Variants in ELOVL5 observed in about 807,000 individuals in gnomAD.
The protein encoded by ELOVL5 is ELOVL fatty acid elongase 5, also known as very long chain fatty acid elongase 5.
ELOVL5 carries 8 observed loss-of-function variants against 38.6 expected under a neutral mutation model. The observed-to-expected ratio is 0.21, with a 90% CI of 0.12 to 0.37. The LOEUF is 0.37. Ranked by LOEUF, ELOVL5 falls within the 10% of genes least tolerant of loss-of-function variation. The pLI is 1.00. For missense variants in ELOVL5, 280 were observed against 367.8 expected (o/e 0.76, Z 1.95); for synonymous variants, 127 against 133.7 (o/e 0.95, Z 0.34).
At chr6:53,318,745 G>A (rs931037570) in intron 1 of ELOVL5, among the ~76,000 whole-genome samples, 1 of 151,646 alleles carries the variant, frequency 6.6e-6, no homozygotes, top group East Asian at 1.9e-4. Context: ...GTCTCAAAAA[G>A]ATAAAAATAA....
chr6:53,282,155 T>C (rs1766387415), intron 3 of ELOVL5, among the ~76,000 whole-genome samples: 1 of 152,270 alleles, frequency 6.6e-6, no homozygotes, highest in Non-Finnish European at 1.5e-5. Flanking sequence ...GTCTTTGCTA[T>C]GATCTTAGGC....
chr6:53,295,549 A>G, intron 2 of ELOVL5, 93 bp downstream of exon 2: 5 of 844,776 alleles, frequency 5.9e-6, no homozygotes, highest in Non-Finnish European at 9.3e-6. Flanking sequence ...GAAAATGCTA[A>G]CATTTTCTAC....
intron 6 of ELOVL5, 132 bp downstream of exon 6, chr6:53,273,088 A>G: frequency 2.0e-6 from 2 of 993,664 alleles, no homozygotes; most frequent in Non-Finnish European, 3.0e-6. Flanking sequence ...ACCCACTTCA[A>G]GGAATTTAAT....
chr6:53,276,055 T>C (rs1042069119), intron 4 of ELOVL5, 124 bp downstream of exon 4: 7 of 652,746 alleles, frequency 1.1e-5, no homozygotes, highest in Non-Finnish European at 1.8e-5. Context: ...CCTTTTTTAT[T>C]CTTTTAAAAA....
chr6:53,310,481 G>A (rs1313920801), intron 1 of ELOVL5, among the ~76,000 whole-genome samples: 2 of 152,056 alleles, frequency 1.3e-5, no homozygotes, highest in African/African-American at 4.8e-5. Flanking sequence ...AAAAATTTTC[G>A]GGCACACTGG....
chr6:53,296,334 C>T (rs565459099), intron 1 of ELOVL5, among the ~76,000 whole-genome samples: 3 of 152,090 alleles, frequency 2.0e-5, no homozygotes, highest in Non-Finnish European at 4.4e-5. Context: ...CTCTTTTGAG[C>T]ACAAAGAGGT....
chr6:53,347,833 C>T (rs1003781309), intron 1 of ELOVL5, among the ~76,000 whole-genome samples: 3 of 152,148 alleles, frequency 2.0e-5, no homozygotes, highest in Admixed American at 2.0e-4. Context: ...GGGGAACCGC[C>T]AAGTGCAAGA....
chr6:53,272,416 C>T (rs898521680), intron 6 of ELOVL5, among the ~76,000 whole-genome samples: 2 of 152,088 alleles, frequency 1.3e-5, no homozygotes, highest in Admixed American at 6.6e-5. Flanking sequence ...TGATTACAGG[C>T]GTGAGCCACT....
chr6:53,317,966 C>G (rs1768128597), intron 1 of ELOVL5, among the ~76,000 whole-genome samples: 1 of 152,124 alleles, frequency 6.6e-6, no homozygotes. Context: ...AATACTCACT[C>G]TATCCTTACT....
At chr6:53,298,904 G>T (rs552129090) in intron 1 of ELOVL5, among the ~76,000 whole-genome samples, 1 of 149,642 alleles carries the variant, frequency 6.7e-6, no homozygotes, top group Non-Finnish European at 1.5e-5. Context: ...GCAAGGCGGG[G>T]GGGGGGAGTT....
chr6:53,324,980 C>T (rs948811101), intron 1 of ELOVL5, among the ~76,000 whole-genome samples: 3 of 152,112 alleles, frequency 2.0e-5, no homozygotes, highest in East Asian at 3.8e-4. Flanking sequence ...ACAGATTAAC[C>T]GGAAGCCAAA....
intron 1 of ELOVL5, among the ~76,000 whole-genome samples, chr6:53,296,663 A>G (rs1767013733): frequency 6.6e-6 from 1 of 152,190 alleles, no homozygotes; most frequent in South Asian, 2.1e-4. Context: ...GATACCAGTT[A>G]AAGATTTACC....
At chr6:53,296,502 TATATC>T (rs1266996038) in intron 1 of ELOVL5, among the ~76,000 whole-genome samples, 1 of 152,210 alleles carries the variant, frequency 6.6e-6, no homozygotes, top group African/African-American at 2.4e-5. Context: ...TTAGTTTTAT[TATATC>T]ATATTTATAA....
At chr6:53,272,239 C>T (rs1313686083) in intron 6 of ELOVL5, among the ~76,000 whole-genome samples, 1 of 152,170 alleles carries the variant, frequency 6.6e-6, no homozygotes, top group Non-Finnish European at 1.5e-5. Context: ...AATGTCCACA[C>T]CCCTCAGTCA....
chr6:53,335,414 C>T (rs184292294), intron 1 of ELOVL5, among the ~76,000 whole-genome samples: 16 of 152,282 alleles, frequency 1.1e-4, no homozygotes, highest in Non-Finnish European at 1.6e-4. Context: ...CCTTTGCCTC[C>T]GAGCCTTTGC....
chr6:53,290,749 C>T (rs556199700), intron 3 of ELOVL5, among the ~76,000 whole-genome samples: 4 of 152,264 alleles, frequency 2.6e-5, no homozygotes, highest in Non-Finnish European at 4.4e-5. Flanking sequence ...CTCCTGCACA[C>T]CACCACACGT....
chr6:53,320,588 G>A (rs763676003), intron 1 of ELOVL5, among the ~76,000 whole-genome samples: 7 of 151,902 alleles, frequency 4.6e-5, no homozygotes, highest in Non-Finnish European at 5.9e-5. Flanking sequence ...CTCCCAAAGT[G>A]CTGGGATTAC....
At chr6:53,318,036 C>T (rs1768131168) in intron 1 of ELOVL5, among the ~76,000 whole-genome samples, 1 of 152,118 alleles carries the variant, frequency 6.6e-6, no homozygotes, top group African/African-American at 2.4e-5. Flanking sequence ...TGCCAGCCCT[C>T]TCACAGATGA....
intron 1 of ELOVL5, among the ~76,000 whole-genome samples, chr6:53,303,671 T>C (rs1767359470): frequency 6.6e-6 from 1 of 152,190 alleles, no homozygotes; most frequent in Non-Finnish European, 1.5e-5. Flanking sequence ...TCCGGTATAA[T>C]GGATAATTGG....
Sources: gnomAD v4.1 joint callset for allele counts (sites outside exome capture counted in the v4.1 genomes callset) on GRCh38, gnomAD v4.1.1 for gene constraint, MANE v1.5 for transcripts, NCBI Gene and HGNC (gene_info 2026-07-23, HGNC 2026-07-21) for gene names.